ZBTB25: variants seen among roughly 807,000 people sequenced by gnomAD.
ZBTB25 encodes zinc finger and BTB domain containing 25.
A neutral mutation model predicts 34.2 loss-of-function variants in ZBTB25; 20 were observed. That is an observed-to-expected ratio of 0.58 (90% confidence interval 0.41 to 0.85). The LOEUF (loss-of-function observed/expected upper bound fraction) is 0.85, where lower values mean the gene tolerates loss of function less well. Ranked by LOEUF, ZBTB25 falls within the 40% of genes least tolerant of loss-of-function variation. The pLI is 0.00. For synonymous variants in ZBTB25, 175 were observed against 186.4 expected, an observed-to-expected ratio of 0.94 and a Z score of 0.50; for missense variants, 437 against 521.8, an observed-to-expected ratio of 0.84 and a Z score of 1.58.
At chr14:64,460,084 A>C (rs1431999105) in intron 2 of ZBTB25, 9 of 657,702 alleles carry the variant, frequency 1.4e-5, no homozygotes, top group Admixed American at 2.9e-5. Flanking sequence ...CTCATTTGTC[A>C]GGCAGACCCT....
At position 64,464,586 on chromosome 14, in the gene ZBTB25, T is replaced by A. The variant is rs2078590654; in HGVS notation, c.174-14948A>T. ...TCGTGATCCTGTTGAAGAAAGGAGA[T>A]GAACGCGGCTGCTTTTCAGTAGTTC... On this transcript the variant is annotated intron_variant, in intron 2 of 2. Transcript: ENST00000555220. Among the ~76,000 whole-genome samples, 4 of 152,314 alleles carry A rather than the reference T, an allele frequency of 2.6e-5. No homozygotes were observed. The South Asian group carries it at 8.3e-4, about 32-fold the overall frequency.
At position 64,486,442 on chromosome 14, in the gene ZBTB25, G is replaced by A. The variant is rs1354476191; in HGVS notation, c.*481C>T. 3 of 973,492 alleles carry A rather than the reference G, an allele frequency of 3.1e-6. No individual in the cohort carries two copies. The allele number at this position is 973,492 out of a possible 1,614,324, so 60.3% of individuals were successfully genotyped here. A position where few individuals can be genotyped will look rare whatever the true frequency, so the allele number is the denominator to read the frequency against. ...TAAATTTTTATACATTATAACATAT[G>A]TATAACATACAGTTATGCATTAAAG... On this transcript the variant is annotated 3_prime_UTR_variant, in exon 3 of 3. Coordinates refer to ENST00000608382, the MANE Select transcript of ZBTB25 (RefSeq NM_006977.5).
intron 2 of ZBTB25, among the ~76,000 whole-genome samples, chr14:64,453,454 C>A (rs2078410918): frequency 6.6e-6 from 1 of 152,018 alleles, no homozygotes; most frequent in Admixed American, 6.5e-5. Flanking sequence ...GCCTATAATC[C>A]CAGCTACTCG....
chr14:64,456,150 C>G (rs1236125218), intron 2 of ZBTB25, among the ~76,000 whole-genome samples: 1 of 152,232 alleles, frequency 6.6e-6, no homozygotes, highest in Non-Finnish European at 1.5e-5. Flanking sequence ...GAAAGCAAAT[C>G]TGGAAGCAGT....
chr14:64,456,961 T>C (rs2078484557), intron 2 of ZBTB25, among the ~76,000 whole-genome samples: 2 of 152,190 alleles, frequency 1.3e-5, no homozygotes, highest in Non-Finnish European at 2.9e-5. Context: ...TTGTTACAGA[T>C]AAAAATATAC....
intron 2 of ZBTB25, chr14:64,453,741 T>C (rs2078417877): frequency 6.6e-7 from 1 of 1,519,138 alleles, no homozygotes; most frequent in Non-Finnish European, 9.1e-7. Flanking sequence ...CCCATCTCTT[T>C]CTTGTGCATT....
chr14:64,504,839 G>A, upstream of ZBTB25: 1 of 394,930 alleles, frequency 2.5e-6, no homozygotes, highest in Non-Finnish European at 4.5e-6. Context: ...AGCGCCGCGC[G>A]CCGCCGCCAC....
At chr14:64,449,871 C>A (rs1181851226) in intron 2 of ZBTB25, among the ~76,000 whole-genome samples, 1 of 152,234 alleles carries the variant, frequency 6.6e-6, no homozygotes, top group Non-Finnish European at 1.5e-5. Context: ...TCACTGCAAC[C>A]TCTGCCTCCT....
Position 64,487,259 on chromosome 14 carries a change from T to C in ZBTB25, c.972A>G (p.Gln324=). Residue 324 remains glutamine (Q), a synonymous_variant, in exon 3 of 3, where the codon CAA becomes CAG. Transcript: ENST00000608382. ...RGTTEPLQIS[Q]VSLISKDTEP... is the part of the protein sequence containing the mutation. ...CTGTGTCTTTGGAGATCAAAGATAC[T>C]TGACTGATCTGCAAAGGCTCTGTGG... is the stretch of plus-strand genomic sequence containing the variant. 1.2e-6 allele frequency: 2 copies of C among 1,614,094 alleles called. No individual in the cohort carries two copies. The highest frequency in any genetic ancestry group is 1.7e-6 in the Non-Finnish European group (2 of 1,180,026).
intron 1 of ZBTB25, 187 bp downstream of exon 1, chr14:64,503,474 G>A (rs958875558): frequency 1.0e-6 from 1 of 985,362 alleles, no homozygotes; most frequent in African/African-American, 1.7e-5. Context: ...TCGGCCCAGC[G>A]CTCACTCGCG....
chr14:64,487,998 T>C lies in ZBTB25; in HGVS notation c.233A>G (p.His78Arg), dbSNP rs1242754404. 6.2e-7 allele frequency: 1 copy of C among 1,614,136 alleles called. No homozygotes were observed. The highest frequency in any genetic ancestry group is 1.1e-5 in the South Asian group (1 of 91,084). ...IQPDIFSYLL[H>R]IMYTGKGPKQ... ...TGGCCCTTTCCCCGTGTACATAATGTGCAACAAATAGCTGAATATGTCAGG... is the reference window on the plus strand; with the variant it reads ...TGGCCCTTTCCCCGTGTACATAATGCGCAACAAATAGCTGAATATGTCAGG... The change falls in exon 3 of 3, where the codon CAC becomes CGC. Residue 78 changes from histidine (H) to arginine (R), a missense_variant. Transcript: ENST00000608382.
rs1330485642 is a variant in ZBTB25 at position 64,482,089 on chromosome 14, TCTAATAATA to T, written c.*4825_*4833del. On this transcript the variant is annotated 3_prime_UTR_variant, in exon 3 of 3. Coordinates refer to ENST00000608382, the MANE Select transcript of ZBTB25 (RefSeq NM_006977.5). ...TCCTTCAATTTTCAGTGAAGACTTT[TCTAATAATA>T]CTATTATTACCTTCACCCCATTTCC... is the stretch of plus-strand genomic sequence containing the variant. 6.6e-6 allele frequency: 1 copy of T among 152,218 alleles called. No individual in the cohort carries two copies. Among genetic ancestry groups the T allele is most frequent in the Non-Finnish European group, 1.5e-5 (1 of 68,036 alleles). 9.4% of individuals were successfully genotyped at this position (152,218 alleles called of 1,614,324 possible). A position where few individuals can be genotyped will look rare whatever the true frequency, so the allele number is the denominator to read the frequency against.
chr14:64,475,697 A>G (rs2078713749), downstream of ZBTB25, among the ~76,000 whole-genome samples: 1 of 152,188 alleles, frequency 6.6e-6, no homozygotes, highest in African/African-American at 2.4e-5. Context: ...ACACATTCAC[A>G]GAAAATCCTC....
intron 2 of ZBTB25, chr14:64,469,135 A>AAGCC: frequency 6.2e-7 from 1 of 1,614,160 alleles, no homozygotes; most frequent in Non-Finnish European, 8.5e-7. Flanking sequence ...CCCAGCAAGC[A>AAGCC]AGCCCACTTG....
At chr14:64,449,220 T>A (rs2078332684) in exon 3 of ZBTB25, 5 of 603,526 alleles carry the variant, frequency 8.3e-6, no homozygotes. Context: ...GTGCTGTGAT[T>A]ATTCGCGTAT....
downstream of ZBTB25, among the ~76,000 whole-genome samples, chr14:64,477,556 C>T (rs2078731033): frequency 6.6e-6 from 1 of 152,088 alleles, no homozygotes; most frequent in South Asian, 2.1e-4. Context: ...AGATTCACTC[C>T]CCTCGAATCT....
chr14:64,451,398 T>C (rs1003942765), intron 2 of ZBTB25, among the ~76,000 whole-genome samples: 1 of 152,220 alleles, frequency 6.6e-6, no homozygotes, highest in Non-Finnish European at 1.5e-5. Context: ...CTTATTACTC[T>C]TGAGTTTTAG....
chr14:64,473,950 A>G (rs974325660), downstream of ZBTB25: 17 of 166,814 alleles, frequency 1.0e-4, no homozygotes, highest in East Asian at 1.9e-4. Context: ...AAAAATTAGA[A>G]GGAAGCTACA....
chr14:64,450,171 C>T (rs921005221), intron 2 of ZBTB25, among the ~76,000 whole-genome samples: 1 of 152,288 alleles, frequency 6.6e-6, no homozygotes, highest in East Asian at 1.9e-4. Context: ...GAGGGGGAAC[C>T]GTTGCTCATA....
Sources: allele counts gnomAD v4.1 joint callset (sites outside exome capture counted in the v4.1 genomes callset), GRCh38; gene constraint gnomAD v4.1.1; transcripts MANE v1.5; gene names NCBI Gene and HGNC (gene_info 2026-07-23, HGNC 2026-07-21).